The following CTNNA3 variants were observed in gnomAD, a reference collection of about 807,000 sequenced individuals.
CTNNA3 encodes the protein catenin alpha 3.
In CTNNA3, 76 loss-of-function variants were observed where a neutral mutation model predicts 95.7. The ratio of observed to expected loss-of-function variants is 0.79; its 90% CI spans 0.66 to 0.96. The LOEUF (loss-of-function observed/expected upper bound fraction) is 0.96. Ranked by LOEUF, CTNNA3 falls within the 40% of genes least tolerant of loss-of-function variation. CTNNA3 has a pLI of 0.00. For missense variants in CTNNA3, 1,191 were observed against 1,089.8 expected (o/e 1.09, Z -1.31); for synonymous variants, 431 against 374.4 (o/e 1.15, Z -1.74).
intron 9 of CTNNA3, among the ~76,000 whole-genome samples, chr10:66,752,869 C>T (rs72802614): frequency 0.025 from 3,820 of 152,160 alleles, 74 homozygotes; most frequent in Admixed American, 0.057. Context: ...CACACACACA[C>T]ACTGTATGAA....
chr10:66,380,153 CTT>C (rs1177111314), intron 11 of CTNNA3, among the ~76,000 whole-genome samples: 1 of 151,988 alleles, frequency 6.6e-6, no homozygotes, highest in Non-Finnish European at 1.5e-5. Flanking sequence ...CATTAATTCT[CTT>C]TCTCTCTTTT....
chr10:67,419,984 T>C (rs1443982553), intron 5 of CTNNA3, among the ~76,000 whole-genome samples: 1 of 152,190 alleles, frequency 6.6e-6, no homozygotes, highest in Non-Finnish European at 1.5e-5. Context: ...CCTGAGTAGC[T>C]GGGACTATAG....
intron 15 of CTNNA3, among the ~76,000 whole-genome samples, chr10:66,015,670 C>T (rs1015781272): frequency 2.0e-5 from 3 of 151,858 alleles, no homozygotes; most frequent in African/African-American, 7.3e-5. Context: ...CTAAATTATA[C>T]ACTGGCCTTT....
intron 11 of CTNNA3, among the ~76,000 whole-genome samples, chr10:66,508,639 T>A (rs1270503756): frequency 6.6e-6 from 1 of 152,118 alleles, no homozygotes; most frequent in Non-Finnish European, 1.5e-5. Context: ...TGAGAAGATA[T>A]GGTGTTTGAC....
At chr10:67,201,466 AT>A (rs900745334) in intron 6 of CTNNA3, among the ~76,000 whole-genome samples, 2 of 148,484 alleles carry the variant, frequency 1.3e-5, no homozygotes, top group African/African-American at 2.6e-5. Flanking sequence ...TTTTTTTATT[AT>A]TTTTTTATTA....
intron 13 of CTNNA3, among the ~76,000 whole-genome samples, chr10:66,132,901 G>T (rs1469648832): frequency 1.3e-5 from 2 of 152,054 alleles, no homozygotes; most frequent in African/African-American, 4.8e-5. Flanking sequence ...ACTACCAAAG[G>T]GTGGACGGTG....
At chr10:67,361,011 TAA>T (rs549641162) in intron 5 of CTNNA3, among the ~76,000 whole-genome samples, 14 of 137,918 alleles carry the variant, frequency 1.0e-4, no homozygotes, top group Non-Finnish European at 6.4e-5. Context: ...CCATCTACAG[TAA>T]AAAAAAAAAA....
chr10:67,648,901 T>A, intron 1 of CTNNA3: 1 of 820,548 alleles, frequency 1.2e-6, no homozygotes, highest in Non-Finnish European at 1.7e-6. Flanking sequence ...AGAACTGAAA[T>A]GTTTTAGTTT....
At chr10:66,494,765 G>A (rs183627296) in intron 11 of CTNNA3, among the ~76,000 whole-genome samples, 61 of 152,280 alleles carry the variant, frequency 4.0e-4, no homozygotes, top group African/African-American at 1.4e-3. Flanking sequence ...AACCAATACC[G>A]TTGGGAGGAT....
chr10:67,132,426 G>A (rs925748571), intron 7 of CTNNA3, among the ~76,000 whole-genome samples: 8 of 152,018 alleles, frequency 5.3e-5, no homozygotes, highest in South Asian at 2.1e-4. Flanking sequence ...TTAAGAGATC[G>A]TGTTTCCAGG....
At chr10:67,266,532 T>C (rs971344871) in intron 5 of CTNNA3, among the ~76,000 whole-genome samples, 14 of 152,180 alleles carry the variant, frequency 9.2e-5, no homozygotes, top group South Asian at 2.1e-4. Context: ...ATCTAGACTA[T>C]TGATATCATC....
chr10:66,261,138 C>T (rs2090982998), intron 13 of CTNNA3, among the ~76,000 whole-genome samples: 1 of 152,140 alleles, frequency 6.6e-6, no homozygotes, highest in Non-Finnish European at 1.5e-5. Flanking sequence ...TTCCTTCCCT[C>T]AGGCTAGATT....
intron 13 of CTNNA3, among the ~76,000 whole-genome samples, chr10:66,275,722 C>T (rs10822788): frequency 0.32 from 47,817 of 151,474 alleles, 8,719 homozygotes; most frequent in African/African-American, 0.51. Flanking sequence ...CTATCTGAAA[C>T]TGTAAAAGTC....
chr10:67,722,735 C>G (rs1033154390), intron 1 of CTNNA3, among the ~76,000 whole-genome samples: 5 of 152,070 alleles, frequency 3.3e-5, no homozygotes, highest in African/African-American at 1.2e-4. Context: ...AACTCTTATC[C>G]CTTATAGAAC....
chr10:66,235,867 C>T (rs1269716101), intron 13 of CTNNA3, among the ~76,000 whole-genome samples: 2 of 152,096 alleles, frequency 1.3e-5, no homozygotes, highest in Non-Finnish European at 2.9e-5. Context: ...CCAAAGAATG[C>T]TCATATACAT....
chr10:66,220,818 G>A (rs571005843), intron 13 of CTNNA3, among the ~76,000 whole-genome samples: 1 of 152,258 alleles, frequency 6.6e-6, no homozygotes, highest in South Asian at 2.1e-4. Flanking sequence ...ACATCAAGCT[G>A]CTTCTCTTCT....
intron 11 of CTNNA3, among the ~76,000 whole-genome samples, chr10:66,441,414 T>C (rs12256734): frequency 0.38 from 58,130 of 152,062 alleles, 11,680 homozygotes; most frequent in African/African-American, 0.5. Flanking sequence ...GAAAGGAAGT[T>C]CATTTGTACA....
intron 13 of CTNNA3, among the ~76,000 whole-genome samples, chr10:66,129,436 G>A (rs2082982595): frequency 1.3e-5 from 2 of 152,170 alleles, no homozygotes; most frequent in Admixed American, 6.5e-5. Context: ...CAGCCAGGGT[G>A]GAGCCCAGAG....
At chr10:67,304,013 T>C (rs1840435915) in intron 5 of CTNNA3, among the ~76,000 whole-genome samples, 1 of 152,226 alleles carries the variant, frequency 6.6e-6, no homozygotes, top group South Asian at 2.1e-4. Context: ...TTGGGCTTAC[T>C]CTTGCTTTCA....
Sources: allele counts gnomAD v4.1 joint callset (sites outside exome capture counted in the v4.1 genomes callset), GRCh38; gene constraint gnomAD v4.1.1; transcripts MANE v1.5; gene names NCBI Gene and HGNC (gene_info 2026-07-23, HGNC 2026-07-21).